The following EPS15L1 variants were observed in gnomAD, a reference collection of about 807,000 sequenced individuals.
EPS15L1 encodes epidermal growth factor receptor substrate 15-like 1.
Under a neutral mutation model 117.1 loss-of-function variants are expected in EPS15L1, and 43 were observed. The observed-to-expected ratio is 0.37, with a 90% CI of 0.29 to 0.47. The LOEUF is 0.47. Ranked by LOEUF, EPS15L1 falls within the 20% of genes least tolerant of loss-of-function variation. The pLI is 0.99. For missense variants in EPS15L1, 981 were observed against 1,164.0 expected (o/e 0.84, Z 2.29); for synonymous variants, 459 against 470.5 (o/e 0.98, Z 0.32).
At chr19:16,401,182 G>A (rs984234297) in intron 16 of EPS15L1, 2 of 985,366 alleles carry the variant, frequency 2.0e-6, no homozygotes, top group African/African-American at 3.5e-5. Flanking sequence ...GAGTATGGGA[G>A]GAAAGAGGGA....
Position 16,370,153 on chromosome 19 carries a change from C to T in EPS15L1, c.2380+6969G>A, listed in dbSNP as rs2092200544. 6.6e-6 allele frequency among the ~76,000 whole-genome samples: 1 copy of T among 152,214 alleles called. No individual in the cohort carries two copies. The highest frequency in any genetic ancestry group is 1.5e-5 in the Non-Finnish European group (1 of 68,036). On this transcript the variant is annotated intron_variant, in intron 22 of 23. Coordinates refer to ENST00000455140, the MANE Select transcript of EPS15L1 (RefSeq NM_001258374.3). This position sits in a 1 kb window ranked among gnomAD's most constrained non-coding sequence, Gnocchi z 5.2. ...GGAGCAAGTGAGGCGCAGAGCCCAC[C>T]AGGAGCTCCCATGGTGGGGGACACT...
rs371897669 is a variant in EPS15L1 at position 16,377,173 on chromosome 19, G to C, written c.2329C>G (p.Pro777Ala). 96 of 1,612,746 alleles carry C rather than the reference G, an allele frequency of 6.0e-5. No homozygotes were observed. The highest frequency in any genetic ancestry group is 7.6e-5 in the Non-Finnish European group (90 of 1,179,444). Residue 777 changes from proline to alanine, a missense_variant, in exon 22 of 24, where the codon CCT (proline) becomes GCT (alanine). By Grantham distance (27) the Pro-to-Ala change is conservative (BLOSUM62 -1). This residue lies in a region of EPS15L1 where 819 missense variants were observed against 949.0 expected (regional missense o/e 0.86). Coordinates refer to ENST00000455140, the MANE Select transcript of EPS15L1 (RefSeq NM_001258374.3). ...GCAGGTTTCTTCGGAGGCAGAGCAGGAGTGTCCTGTTTACTTTTAAAGGGG... is the reference window on the plus strand; with the variant it reads ...GCAGGTTTCTTCGGAGGCAGAGCAGCAGTGTCCTGTTTACTTTTAAAGGGG... ...DDPFKSKQDT[P>A]ALPPKKPAPP...
chr19:16,362,005 A>C, intron 22 of EPS15L1, 21 bp from the exon 23 acceptor site: 1 of 1,568,542 alleles, frequency 6.4e-7, no homozygotes, highest in South Asian at 1.2e-5. Context: ...TAGGAGAAAA[A>C]AAAAAGGAGA....
chr19:16,413,124 T>C, intron 13 of EPS15L1: 1 of 675,190 alleles, frequency 1.5e-6, no homozygotes, highest in Non-Finnish European at 2.7e-6. Flanking sequence ...TATTAAGTGC[T>C]CCAAGGAGGC....
At chr19:16,441,231 G>A (rs2093028398) in intron 3 of EPS15L1, 1 of 361,926 alleles carries the variant, frequency 2.8e-6, no homozygotes, top group Non-Finnish European at 5.3e-6. Context: ...AGCACTTTGG[G>A]AGGCCAAGGT....
chr19:16,359,177 T>C (rs1452120677), intron 23 of EPS15L1, among the ~76,000 whole-genome samples: 1 of 152,124 alleles, frequency 6.6e-6, no homozygotes, highest in Non-Finnish European at 1.5e-5. Context: ...TCTCAGAACG[T>C]CCACGCTGAA....
chr19:16,416,713 T>C (rs1173381371), intron 12 of EPS15L1, among the ~76,000 whole-genome samples: 1 of 151,650 alleles, frequency 6.6e-6, no homozygotes, highest in African/African-American at 2.4e-5. Flanking sequence ...GGTGGGAGGA[T>C]TGCTTAAGCC....
Position 16,394,004 on chromosome 19 carries a change from G to A in EPS15L1, c.1916-3C>T. 1 of 1,614,050 alleles carries A rather than the reference G, an allele frequency of 6.2e-7. No homozygotes were observed. The highest frequency in any genetic ancestry group is 8.5e-7 in the Non-Finnish European group (1 of 1,179,914). Reference sequence around the variant, plus strand: ...GGGGTCATTCTGGAACGGGTCGCCTGGTTGGAAGAGGAGAGAAATGCTTAT... The same window carrying A: ...GGGGTCATTCTGGAACGGGTCGCCTAGTTGGAAGAGGAGAGAAATGCTTAT... On this transcript the variant is annotated splice_polypyrimidine_tract_variant and splice_region_variant and intron_variant, in intron 17 of 23. Coordinates refer to ENST00000455140, the MANE Select transcript of EPS15L1 (RefSeq NM_001258374.3).
In EPS15L1 at chr19:16,385,023, G is replaced by T. The variant is rs889056617; in HGVS notation, c.2247+106C>A. 13 of 870,678 alleles carry T rather than the reference G, an allele frequency of 1.5e-5. No individual in the cohort carries two copies. In the East Asian group the frequency reaches 3.1e-4, roughly 21 times the overall value. 53.9% of individuals were successfully genotyped at this position (870,678 alleles called of 1,614,324 possible). A position where few individuals can be genotyped will look rare whatever the true frequency, so the allele number is the denominator to read the frequency against. ...CCTGACCTTGTGTTGGAAAGGTGCC[G>T]GGGAGATACATACGTGACATGAACA... On this transcript the variant is annotated intron_variant, in intron 21 of 23. Coordinates refer to ENST00000455140, the MANE Select transcript of EPS15L1 (RefSeq NM_001258374.3).
In EPS15L1 at chr19:16,362,597, T is replaced by C. The variant is rs557267688; in HGVS notation, c.2381-613A>G. Among the ~76,000 whole-genome samples, 55 of 150,390 alleles carry C rather than the reference T, an allele frequency of 3.7e-4. No individual in the cohort carries two copies. In the South Asian group the frequency reaches 4.0e-3, roughly 11 times the overall value. ...GAAATGCAGTGGTGCAATCATGGCT[T>C]ATTGCGGCCTTGGCCTCCAGGGCTC... On this transcript the variant is annotated intron_variant, in intron 22 of 23. Coordinates refer to ENST00000455140, the MANE Select transcript of EPS15L1 (RefSeq NM_001258374.3).
At chr19:16,395,283 C>A (rs1204955600) in intron 17 of EPS15L1, 61 bp downstream of exon 17, 1 of 1,535,776 alleles carries the variant, frequency 6.5e-7, no homozygotes, top group Non-Finnish European at 8.9e-7. Context: ...TGAAGAACCA[C>A]TCTAAATTCG....
At chr19:16,359,928 C>G (rs2092030183) in intron 23 of EPS15L1, among the ~76,000 whole-genome samples, 1 of 151,644 alleles carries the variant, frequency 6.6e-6, no homozygotes, top group African/African-American at 2.4e-5. Context: ...GGGCTGCATC[C>G]AGGCCTGGGT....
intron 12 of EPS15L1, among the ~76,000 whole-genome samples, chr19:16,415,677 C>A (rs962606751): frequency 1.3e-5 from 2 of 152,250 alleles, no homozygotes; most frequent in Non-Finnish European, 2.9e-5. Flanking sequence ...GGGGCCACTG[C>A]AGGCCCCAGC....
chr19:16,425,402 C>T, intron 8 of EPS15L1, 86 bp from the exon 9 acceptor site: 1 of 907,560 alleles, frequency 1.1e-6, no homozygotes, highest in Non-Finnish European at 1.8e-6. Context: ...CCTTTGGGGG[C>T]TGCAGTGACA....
intron 9 of EPS15L1, among the ~76,000 whole-genome samples, chr19:16,424,421 T>C (rs754584112): frequency 6.6e-6 from 1 of 151,684 alleles, no homozygotes. Context: ...GTTATGACGC[T>C]GGGTGACCTG....
At chr19:16,361,746 T>C (rs368061771) in intron 23 of EPS15L1, 33 bp downstream of exon 23, 1 of 1,591,974 alleles carries the variant, frequency 6.3e-7, no homozygotes, top group East Asian at 2.3e-5. Flanking sequence ...CGGAAGGGAG[T>C]GGGGTGGCCC....
chr19:16,430,585 GTC>G (rs2092918127), intron 7 of EPS15L1, among the ~76,000 whole-genome samples: 1 of 152,178 alleles, frequency 6.6e-6, no homozygotes, highest in Non-Finnish European at 1.5e-5. Flanking sequence ...CAGTAAATAA[GTC>G]TCAGCCTCTT....
intron 6 of EPS15L1, chr19:16,434,755 C>G (rs914123156): frequency 4.1e-5 from 14 of 342,546 alleles, no homozygotes; most frequent in Middle Eastern, 1.7e-3. Context: ...GTCCTTCGTC[C>G]TAGCTGCTGC....
At chr19:16,360,407 G>A (rs956258921) in intron 23 of EPS15L1, among the ~76,000 whole-genome samples, 3 of 152,018 alleles carry the variant, frequency 2.0e-5, no homozygotes, top group Non-Finnish European at 2.9e-5. Flanking sequence ...ACTCACTGCC[G>A]TTGTAAAATA....
Sources: gnomAD v4.1 joint callset for allele counts (sites outside exome capture counted in the v4.1 genomes callset) on GRCh38, gnomAD v4.1.1 for gene constraint, gnomAD v4.1.1 regional missense constraint, Gnocchi (gnomAD v3.1) non-coding constraint, MANE v1.5 for transcripts, NCBI Gene and HGNC (gene_info 2026-07-23, HGNC 2026-07-21) for gene names.